URM1: variants seen among roughly 807,000 people sequenced by gnomAD.
The protein encoded by URM1 is ubiquitin related modifier 1.
Under a neutral mutation model 17.7 loss-of-function variants are expected in URM1, and 11 were observed. That is an observed-to-expected ratio of 0.62 (90% CI 0.39 to 1.03). The LOEUF is 1.03. Ranked by LOEUF, URM1 falls within the 50% of genes least tolerant of loss-of-function variation. URM1 has a pLI of 0.00. For missense variants in URM1, 128 were observed against 129.2 expected (o/e 0.99, Z 0.04); for synonymous variants, 48 against 50.6 (o/e 0.95, Z 0.22).
chr9:128,385,693 G>A (rs1056635436), intron 2 of URM1, among the ~76,000 whole-genome samples: 11 of 152,292 alleles, frequency 7.2e-5, no homozygotes, highest in African/African-American at 2.6e-4. Flanking sequence ...GCCTCAGCAA[G>A]CCTAGCAAGA....
Position 128,389,726 on chromosome 9 carries a change from G to A in URM1, c.298G>A (p.Gly100Ser), listed in dbSNP as rs768405680. The A allele has an allele frequency of 1.7e-5, 28 of 1,613,486 alleles. No individual in the cohort carries two copies. Among genetic ancestry groups the A allele is most frequent in the Non-Finnish European group, 1.7e-5 (20 of 1,179,992 alleles). The change falls in exon 5 of 5, where the codon GGC becomes AGC. Residue 100 changes from glycine to serine, a missense_variant. Transcript: ENST00000372853. ...CGTCCTCTTCATCTCCACTCTGCAC[G>A]GCGGCTGAGGGCCCTTCTCTGGGCC... ...DSVLFISTLHGG is the reference protein window; with the variant it reads ...DSVLFISTLHSG
intron 1 of URM1, among the ~76,000 whole-genome samples, chr9:128,372,911 CAAA>C (rs990027378): frequency 7.5e-6 from 1 of 133,936 alleles, no homozygotes. Flanking sequence ...TCATCTCTAC[CAAA>C]AAAAAAAAAA....
intron 1 of URM1, among the ~76,000 whole-genome samples, chr9:128,375,592 C>T (rs187557966): frequency 6.6e-5 from 10 of 152,058 alleles, no homozygotes; most frequent in Admixed American, 3.3e-4. Context: ...TAGGGTCTCA[C>T]TGTGTCGCCC....
Position 128,372,319 on chromosome 9 carries a change from G to T in URM1, c.35+904G>T, listed in dbSNP as rs555976977. Among the ~76,000 whole-genome samples the T allele has an allele frequency of 3.3e-5, 5 of 152,160 alleles. No homozygotes were observed. In the South Asian group the frequency reaches 8.3e-4, roughly 25 times the overall value. On this transcript the variant is annotated intron_variant, in intron 1 of 4. Coordinates refer to ENST00000372853, the MANE Select transcript of URM1 (RefSeq NM_030914.4). ...TAGGTGTGTGTGTGTGCCTGTGTGT[G>T]TGTAGATAAGCCAAGGTCTATGTGA...
Position 128,374,886 on chromosome 9 carries a change from A to G in URM1, c.36-3150A>G, listed in dbSNP as rs183239514. On this transcript the variant is annotated intron_variant, in intron 1 of 4. Transcript: ENST00000372853. ...GCCTCAGCTTCTGGACTTGGCTCCA[A>G]TCATCTCTGCAGTCCCCGCCTTCCC... is the stretch of plus-strand genomic sequence containing the variant. Among the ~76,000 whole-genome samples, 969 of 152,360 alleles carry G rather than the reference A, an allele frequency of 6.4e-3. 7 individuals are homozygous for G. Among genetic ancestry groups the G allele is most frequent in the Middle Eastern group, 0.02 (6 of 294 alleles).
intron 2 of URM1, among the ~76,000 whole-genome samples, chr9:128,381,492 T>C (rs992303357): frequency 2.0e-5 from 3 of 151,880 alleles, no homozygotes; most frequent in African/African-American, 7.3e-5. Flanking sequence ...AGGTCTGGAG[T>C]TAGAGACCAG....
In URM1 at chr9:128,372,256, A is replaced by G. The variant is rs7042245; in HGVS notation, c.35+841A>G. Among the ~76,000 whole-genome samples, 1,135 of 152,030 alleles carry G rather than the reference A, an allele frequency of 7.5e-3. 24 individuals are homozygous for G. The highest frequency in any genetic ancestry group is 0.026 in the African/African-American group (1,079 of 41,452). On this transcript the variant is annotated intron_variant, in intron 1 of 4. Transcript: ENST00000372853. Reference sequence around the variant, plus strand: ...TTTACAGTATCACGTGGAAAAGAGGAAATAGGTAGGGATGTGTGTGTGTGT... The same window carrying G: ...TTTACAGTATCACGTGGAAAAGAGGGAATAGGTAGGGATGTGTGTGTGTGT...
chr9:128,389,384 T>C lies in URM1; in HGVS notation c.237+75T>C, dbSNP rs758184322. On this transcript the variant is annotated intron_variant, in intron 4 of 4. Transcript: ENST00000372853. ...CAGTGGGAAAGCGTTGGGCCTCTCC[T>C]CAGGCACATATAGAGTGGCTGGGTA... 37 of 1,613,548 alleles carry C rather than the reference T, an allele frequency of 2.3e-5. 1 individual carries two copies. The Admixed American group carries it at 5.3e-4, about 23-fold the overall frequency.
chr9:128,371,599 C>T (rs1170359801), intron 1 of URM1, among the ~76,000 whole-genome samples, 184 bp downstream of exon 1: 1 of 152,174 alleles, frequency 6.6e-6, no homozygotes, highest in African/African-American at 2.4e-5. Context: ...GCCGTCTGTC[C>T]GGAAATAGAG....
chr9:128,380,692 G>A (rs975168989), intron 2 of URM1, among the ~76,000 whole-genome samples: 2 of 144,924 alleles, frequency 1.4e-5, no homozygotes, highest in Non-Finnish European at 3.0e-5. Flanking sequence ...CTGAAGTGCC[G>A]TGGTGCAGTC....
intron 1 of URM1, among the ~76,000 whole-genome samples, chr9:128,371,722 A>G (rs1037352289): frequency 6.6e-6 from 1 of 152,010 alleles, no homozygotes; most frequent in Non-Finnish European, 1.5e-5. Flanking sequence ...TTCCATTCCT[A>G]TCTCGGACCA....
intron 1 of URM1, among the ~76,000 whole-genome samples, chr9:128,371,709 C>G (rs1833015164): frequency 6.6e-6 from 1 of 152,214 alleles, no homozygotes; most frequent in Non-Finnish European, 1.5e-5. Context: ...TCTCTCTCTT[C>G]TTTTCCATTC....
At chr9:128,380,813 T>G (rs117931146) in intron 2 of URM1, among the ~76,000 whole-genome samples, 2,951 of 150,616 alleles carry the variant, frequency 0.02, 38 homozygotes, top group Middle Eastern at 0.034. Flanking sequence ...TTTGTGTATG[T>G]TTTTTTTTGT....
Position 128,388,443 on chromosome 9 carries a change from G to A in URM1, c.188+546G>A, listed in dbSNP as rs527255837. On this transcript the variant is annotated intron_variant, in intron 3 of 4. Transcript: ENST00000372853. ...AGTGCAGTCTCCTTGGAAAGGACCA[G>A]GTTCCAGTTGCCACGAAGTTACTTC... 6.1e-6 allele frequency: 6 copies of A among 986,088 alleles called. No individual in the cohort carries two copies. In the East Asian group the frequency reaches 5.7e-4, roughly 93 times the overall value. The allele number at this position is 986,088 out of a possible 1,614,324, so 61.1% of individuals were successfully genotyped here.
At chr9:128,388,328 G>C (rs965761850) in intron 3 of URM1, 24 of 1,003,318 alleles carry the variant, frequency 2.4e-5, no homozygotes, top group Non-Finnish European at 2.9e-5. Flanking sequence ...GTGCAGCACG[G>C]GTCTAGAATT....
chr9:128,380,864 G>A lies in URM1; in HGVS notation c.106+2758G>A, dbSNP rs1189976505. Among the ~76,000 whole-genome samples, 4 of 151,848 alleles carry A rather than the reference G, an allele frequency of 2.6e-5. No individual in the cohort carries two copies. In the East Asian group the frequency reaches 7.8e-4, roughly 30 times the overall value. ...TTTTGAGACGTAGTCTCGCTCTGTTGCCCAGGCTGGAATGCAGTGGCGCGA... is the reference window on the plus strand; with the variant it reads ...TTTTGAGACGTAGTCTCGCTCTGTTACCCAGGCTGGAATGCAGTGGCGCGA... On this transcript the variant is annotated intron_variant, in intron 2 of 4. Transcript: ENST00000372853.
intron 2 of URM1, among the ~76,000 whole-genome samples, chr9:128,382,858 C>T (rs1163643297): frequency 6.6e-6 from 1 of 152,180 alleles, no homozygotes; most frequent in African/African-American, 2.4e-5. Flanking sequence ...CATGCAGGCA[C>T]CCACCAGCTT....
chr9:128,376,234 G>A lies in URM1; in HGVS notation c.36-1802G>A, dbSNP rs546306960. ...TAAAATTAGGCAGGTGTGGTGACAC[G>A]TGCCTGTGGTCCCAGCTACCTGGGG... On this transcript the variant is annotated intron_variant, in intron 1 of 4. Coordinates refer to ENST00000372853, the MANE Select transcript of URM1 (RefSeq NM_030914.4). Among the ~76,000 whole-genome samples the A allele has an allele frequency of 7.9e-5, 12 of 152,164 alleles. No individual in the cohort carries two copies. The South Asian group carries it at 1.7e-3, about 21-fold the overall frequency.
At chr9:128,378,128 C>T (rs1833102412) in intron 2 of URM1, 22 bp downstream of exon 2, 1 of 1,562,492 alleles carries the variant, frequency 6.4e-7, no homozygotes, top group Non-Finnish European at 8.8e-7. Flanking sequence ...CTTTCTGAAC[C>T]CCTCTCTTGG....
Sources: allele counts gnomAD v4.1 joint callset (sites outside exome capture counted in the v4.1 genomes callset), GRCh38; gene constraint gnomAD v4.1.1; transcripts MANE v1.5; gene names NCBI Gene and HGNC (gene_info 2026-07-23, HGNC 2026-07-21).